The following ZNF391 variants were observed in gnomAD, a reference collection of about 807,000 sequenced individuals.
ZNF391 encodes zinc finger protein 391.
For synonymous variants in ZNF391, 126 were observed against 142.1 expected (o/e 0.89, Z 0.80); for missense variants, 375 against 425.5 (o/e 0.88, Z 1.04).
At position 27,376,636 on chromosome 6, in the gene ZNF391, A is replaced by T. The variant is rs12196452; in HGVS notation, n.523+1499A>T. Among the ~76,000 whole-genome samples the T allele has an allele frequency of 0.048, 7,290 of 152,164 alleles. 252 individuals are homozygous for T. Among genetic ancestry groups the T allele is most frequent in the Non-Finnish European group, 0.071 (4,859 of 68,010 alleles). On this transcript the variant is annotated intron_variant and non_coding_transcript_variant, in intron 1 of 2. Transcript: ENST00000477999. The surrounding 1 kb of genome is among the most constrained non-coding windows in gnomAD (Gnocchi z 4.7). ...AAACGAAATCAGTTTCCACCCATTGATAAGGTATAACCTTATCAAGACCAG... is the reference window on the plus strand; with the variant it reads ...AAACGAAATCAGTTTCCACCCATTGTTAAGGTATAACCTTATCAAGACCAG...
Position 27,403,374 on chromosome 6 carries a change from A to G in ZNF391, c.*1927A>G, listed in dbSNP as rs1762022057. The G allele has an allele frequency of 6.6e-6, 1 of 151,946 alleles. No individual in the cohort carries two copies. Among genetic ancestry groups the G allele is most frequent in the Admixed American group, 6.6e-5 (1 of 15,242 alleles). The allele number at this position is 151,946 out of a possible 1,614,324, so 9.4% of individuals were successfully genotyped here. A position where few individuals can be genotyped will look rare whatever the true frequency, so the allele number is the denominator to read the frequency against. On this transcript the variant is annotated 3_prime_UTR_variant, in exon 3 of 3. Transcript: ENST00000244576. ...CTACTTTCTTCGTTGTATTCCAGAA[A>G]CCCTATCCACCCTTTTTTAAAGGCC... is the stretch of plus-strand genomic sequence containing the variant.
upstream of ZNF391, among the ~76,000 whole-genome samples, chr6:27,385,813 C>T (rs2113642863): frequency 6.6e-6 from 1 of 152,244 alleles, no homozygotes; most frequent in African/African-American, 2.4e-5. Flanking sequence ...CATCCAAGAA[C>T]AGCAGAATAC....
chr6:27,384,327 G>T (rs978032227), upstream of ZNF391, among the ~76,000 whole-genome samples: 10 of 151,874 alleles, frequency 6.6e-5, no homozygotes, highest in African/African-American at 1.9e-4. Context: ...AGCCTGGTTT[G>T]GTGGTACATG....
intron 2 of ZNF391, among the ~76,000 whole-genome samples, 193 bp downstream of exon 2, chr6:27,399,743 A>G (rs1761908006): frequency 6.6e-6 from 1 of 152,244 alleles, no homozygotes; most frequent in Non-Finnish European, 1.5e-5. Flanking sequence ...CTTCTTTAGA[A>G]GAATACCTGA....
chr6:27,392,932 A>G (rs1158366600), intron 1 of ZNF391, among the ~76,000 whole-genome samples: 1 of 152,196 alleles, frequency 6.6e-6, no homozygotes, highest in South Asian at 2.1e-4. Flanking sequence ...AAATGAGTCA[A>G]TATTCATACA....
Position 27,400,553 on chromosome 6 carries a change from A to G in ZNF391, c.183A>G (p.Glu61=), listed in dbSNP as rs1409325298. ...TTTTCACAGGGGAGGAAGGCCCTGA[A>G]TCCAGTGAATTTAGTCTAAGCCCAA... ...KEIFTGEEGP[E]SSEFSLSPNL... Residue 61 remains glutamate (E), a synonymous_variant, in exon 3 of 3, where the codon GAA becomes GAG. Coordinates refer to ENST00000244576, the MANE Select transcript of ZNF391 (RefSeq NM_001076781.3). 1 of 1,614,220 alleles carries G rather than the reference A, an allele frequency of 6.2e-7. No individual in the cohort carries two copies. The highest frequency in any genetic ancestry group is 8.5e-7 in the Non-Finnish European group (1 of 1,180,034).
intron 1 of ZNF391, among the ~76,000 whole-genome samples, chr6:27,394,121 A>G (rs931927611): frequency 1.3e-5 from 2 of 152,266 alleles, no homozygotes; most frequent in African/African-American, 4.8e-5. Flanking sequence ...GCCATGGAGC[A>G]ACCACTTGCT....
Position 27,401,085 on chromosome 6 carries a change from C to G in ZNF391, c.715C>G (p.His239Asp), listed in dbSNP as rs200518744. The part of the protein sequence containing the change: ...AFGDRSTIIQ[H>D]QRIHTGENPY... ...CGGTGACCGTTCAACCATAATTCAGCATCAACGAATACACACTGGAGAGAA... is the reference window on the plus strand; with the variant it reads ...CGGTGACCGTTCAACCATAATTCAGGATCAACGAATACACACTGGAGAGAA... Residue 239 changes from histidine (H) to aspartate (D), a missense_variant, in exon 3 of 3, where the codon CAT becomes GAT. Transcript: ENST00000244576. 3 of 1,614,220 alleles carry G rather than the reference C, an allele frequency of 1.9e-6. No homozygotes were observed. Among genetic ancestry groups the G allele is most frequent in the Admixed American group, 3.3e-5 (2 of 60,030 alleles).
At position 27,394,914 on chromosome 6, in the gene ZNF391, T is replaced by TA. The variant is rs1761791317; in HGVS notation, c.-187-4527dup. The TA allele has an allele frequency of 2.0e-5, 3 of 152,348 alleles. No homozygotes were observed. The South Asian group carries it at 6.2e-4, about 32-fold the overall frequency. 9.4% of individuals were successfully genotyped at this position (152,348 alleles called of 1,614,324 possible). A position where few individuals can be genotyped will look rare whatever the true frequency, so the allele number is the denominator to read the frequency against. On this transcript the variant is annotated intron_variant, in intron 1 of 2. Coordinates refer to ENST00000244576, the MANE Select transcript of ZNF391 (RefSeq NM_001076781.3). ...GCATTTCAAGCTTGAATGGAGCCTA[T>TA]AGCCCCTTTCTTTTGGCTGATTTCT...
upstream of ZNF391, among the ~76,000 whole-genome samples, chr6:27,386,344 C>G (rs145883354): frequency 1.2e-3 from 186 of 152,220 alleles, 2 homozygotes; most frequent in Middle Eastern, 0.017. Context: ...ATTTGATATA[C>G]AGATTCAATG....
Position 27,401,289 on chromosome 6 carries a change from T to C in ZNF391, c.919T>C (p.Cys307Arg), listed in dbSNP as rs2113665169. 1 of 1,613,898 alleles carries C rather than the reference T, an allele frequency of 6.2e-7. No individual in the cohort carries two copies. ...RIHSGEKPHE[C>R]RVCGKGFSRS... ...CCACAGTGGAGAAAAGCCTCACGAG[T>C]GTAGAGTGTGTGGAAAGGGCTTCAG... is the stretch of plus-strand genomic sequence containing the variant. Residue 307 changes from cysteine (C) to arginine (R), a missense_variant, in exon 3 of 3, where the codon TGT (cysteine) becomes CGT (arginine). Cys to Arg is a radical substitution (Grantham distance 180). Transcript: ENST00000244576.
intron 1 of ZNF391, among the ~76,000 whole-genome samples, chr6:27,391,449 C>A (rs1378387861): frequency 6.6e-6 from 1 of 152,118 alleles, no homozygotes; most frequent in Non-Finnish European, 1.5e-5. Flanking sequence ...CTCAGGTGAT[C>A]CACCTGTCTT....
intron 1 of ZNF391, among the ~76,000 whole-genome samples, chr6:27,381,667 G>C (rs114334465): frequency 0.029 from 4,354 of 152,310 alleles, 69 homozygotes; most frequent in Non-Finnish European, 0.032. Context: ...TGACCCAGGA[G>C]GAGGAGGCTG....
chr6:27,398,223 A>G (rs1004527385), intron 1 of ZNF391, among the ~76,000 whole-genome samples: 2 of 152,216 alleles, frequency 1.3e-5, no homozygotes, highest in African/African-American at 4.8e-5. Context: ...GTGAGCAGAA[A>G]TATTTGGGGA....
At chr6:27,391,201 C>CTTTTTTTTTT (rs386406591) in intron 1 of ZNF391, 13 of 97,274 alleles carry the variant, frequency 1.3e-4, no homozygotes, top group Non-Finnish European at 2.3e-4. Flanking sequence ...ATTCATTGTA[C>CTTTTTTTTTT]TTTTTTTTTT....
At chr6:27,378,546 A>G (rs940396164) in intron 1 of ZNF391, among the ~76,000 whole-genome samples, 3 of 152,084 alleles carry the variant, frequency 2.0e-5, no homozygotes, top group Non-Finnish European at 4.4e-5. Flanking sequence ...TAAGGCAAGG[A>G]CCGGCTATTT....
Position 27,388,995 on chromosome 6 carries a change from T to A in ZNF391, c.-268T>A, listed in dbSNP as rs1334316774. The A allele has an allele frequency of 2.2e-6, 1 of 456,300 alleles. No homozygotes were observed. The highest frequency in any genetic ancestry group is 4.4e-6 in the Non-Finnish European group (1 of 226,882). The allele number at this position is 456,300 out of a possible 1,614,324, so 28.3% of individuals were successfully genotyped here. ...CAGCGCACTCAGGTTCCGCTCCAAG[T>A]GCGGGACCCGCCCGGGGTGTGTCGG... On this transcript the variant is annotated 5_prime_UTR_variant, in exon 1 of 3. Transcript: ENST00000244576.
In ZNF391 at chr6:27,401,452, T is replaced by C; in HGVS notation, c.*5T>C. On this transcript the variant is annotated 3_prime_UTR_variant, in exon 3 of 3. Transcript: ENST00000244576. Reference sequence around the variant, plus strand: ...CACCTTCATACTAAAGAGTAATATCTGAGCTTTTATTAATGTTAGCATAAG... The same window carrying C: ...CACCTTCATACTAAAGAGTAATATCCGAGCTTTTATTAATGTTAGCATAAG... The C allele has an allele frequency of 6.3e-7, 1 of 1,588,074 alleles. No homozygotes were observed. The highest frequency in any genetic ancestry group is 8.5e-7 in the Non-Finnish European group (1 of 1,170,154).
Position 27,401,885 on chromosome 6 carries a change from T to G in ZNF391, c.*438T>G, listed in dbSNP as rs1401208464. 6.4e-6 allele frequency: 1 copy of G among 156,728 alleles called. No homozygotes were observed. The highest frequency in any genetic ancestry group is 1.9e-4 in the East Asian group (1 of 5,302). 9.7% of individuals were successfully genotyped at this position (156,728 alleles called of 1,614,324 possible). A position where few individuals can be genotyped will look rare whatever the true frequency, so the allele number is the denominator to read the frequency against. ...TTCTAACCACATCAGCCCCTGCACATGAAGAGAAAATCCTGTGTGTGTGTC... is the reference window on the plus strand; with the variant it reads ...TTCTAACCACATCAGCCCCTGCACAGGAAGAGAAAATCCTGTGTGTGTGTC... On this transcript the variant is annotated 3_prime_UTR_variant, in exon 3 of 3. Coordinates refer to ENST00000244576, the MANE Select transcript of ZNF391 (RefSeq NM_001076781.3).
Sources: gnomAD v4.1 joint callset for allele counts (sites outside exome capture counted in the v4.1 genomes callset) on GRCh38, gnomAD v4.1.1 for gene constraint, Gnocchi (gnomAD v3.1) non-coding constraint, MANE v1.5 for transcripts, NCBI Gene and HGNC (gene_info 2026-07-23, HGNC 2026-07-21) for gene names.